Variants in POLA1 observed in about 807,000 individuals in gnomAD.
POLA1 encodes the protein DNA polymerase alpha 1, catalytic subunit.
Under a neutral mutation model 124.0 loss-of-function variants are expected in POLA1, and 15 were observed. The ratio of observed to expected loss-of-function variants is 0.12; its 90% CI spans 0.08 to 0.19. The LOEUF is 0.19. Among genes scored for constraint, POLA1 ranks in the 10% least tolerant of loss-of-function variants. The probability of loss-of-function intolerance (pLI) is 1.00; values close to 1 mark genes in which losing one functional copy is unlikely to be tolerated. For missense variants in POLA1, 886 were observed against 1,103.4 expected (o/e 0.80, Z 2.79); for synonymous variants, 408 against 389.4 (o/e 1.05, Z -0.56).
At position 24,716,382 on chromosome X, in the gene POLA1, A is replaced by G. The variant is rs1929839708; in HGVS notation, c.546A>G (p.Pro182=). 8.6e-7 allele frequency: 1 copy of G among 1,169,252 alleles called. No individual in the cohort carries two copies. The highest frequency in any genetic ancestry group is 2.2e-5 in the Admixed American group (1 of 45,645). ...LNTETPQITP[P]PVMILKKKRS... ...TTTAGACACCTCAAATAACTCCACC[A>G]CCTGTAATGATACTGAAGAAGAAAA... is the stretch of plus-strand genomic sequence containing the variant. The change falls in exon 7 of 37, where the codon CCA becomes CCG. Residue 182 remains proline, a synonymous_variant. Coordinates refer to ENST00000379068, the MANE Select transcript of POLA1 (RefSeq NM_001330360.2).
intron 35 of POLA1, among the ~76,000 whole-genome samples, chrX:24,902,754 C>G (rs986500406): frequency 1.8e-5 from 2 of 111,609 alleles, no homozygotes; most frequent in African/African-American, 6.5e-5. Flanking sequence ...GACAACCACA[C>G]AGTTTATGGA....
intron 34 of POLA1, 36 bp from the exon 35 acceptor site, chrX:24,887,970 G>A (rs1005934773): frequency 1.4e-5 from 12 of 839,031 alleles, no homozygotes; most frequent in Non-Finnish European, 2.1e-5. Flanking sequence ...TGTATTTGTC[G>A]ATGGTGATAA....
intron 34 of POLA1, among the ~76,000 whole-genome samples, chrX:24,854,894 T>TA (rs768990944): frequency 8.1e-5 from 9 of 110,647 alleles, no homozygotes; most frequent in East Asian, 2.8e-4. Context: ...TTTTTGGTAG[T>TA]AAAAAAAATT....
intron 20 of POLA1, among the ~76,000 whole-genome samples, chrX:24,740,927 T>TA (rs1316725912): frequency 1.1e-4 from 12 of 111,618 alleles, no homozygotes; most frequent in Non-Finnish European, 1.9e-4. Flanking sequence ...TGTTTTTTTT[T>TA]ATACTCTGTC....
At chrX:24,801,962 T>TGTGTGTGTGTGTGTGTGTGTGA (rs1368649281) in intron 26 of POLA1, among the ~76,000 whole-genome samples, 2 of 106,586 alleles carry the variant, frequency 1.9e-5, no homozygotes, top group African/African-American at 6.9e-5. Context: ...TGTGTGTGTG[T>TGTGTGTGTGTGTGTGTGTGTGA]GTGTGTGTGA....
At chrX:24,905,637 A>G (rs750235636) in intron 35 of POLA1, among the ~76,000 whole-genome samples, 158 of 88,856 alleles carry the variant, frequency 1.8e-3, no homozygotes, top group African/African-American at 6.6e-3. Context: ...ATCTCCACTT[A>G]CTGCAACCTC....
At chrX:24,724,878 T>G (rs781475856) in intron 12 of POLA1, among the ~76,000 whole-genome samples, 1 of 112,117 alleles carries the variant, frequency 8.9e-6, no homozygotes, top group Non-Finnish European at 1.9e-5. Context: ...CTCTGGTTCA[T>G]GTGCTAGTTA....
rs762585022 is a variant in POLA1, at chrX:24,808,266, A to G, written c.2965-1632A>G. 8.1e-5 allele frequency among the ~76,000 whole-genome samples: 9 copies of G among 111,801 alleles called. No individual in the cohort carries two copies. In the East Asian group the frequency reaches 2.5e-3, roughly 31 times the overall value. ...CACCGTGATGGTTGCCACTGCTCCA[A>G]GCAGCCCTCAGTCTAAAAAGGTAGT... On this transcript the variant is annotated intron_variant, in intron 26 of 36. Transcript: ENST00000379068.
Position 24,743,278 on chromosome X carries a change from G to A in POLA1, c.2515G>A (p.Gly839Arg). 8.5e-7 allele frequency: 1 copy of A among 1,176,031 alleles called. No homozygotes were observed. Among genetic ancestry groups the A allele is most frequent in the Non-Finnish European group, 1.2e-6 (1 of 866,508 alleles). Residue 839 changes from glycine to arginine, a missense_variant, in exon 23 of 37, where the codon GGA becomes AGA. Coordinates refer to ENST00000379068, the MANE Select transcript of POLA1 (RefSeq NM_001330360.2). ...IDGDTNKYKK[G>R]RKKAAYAGGL... ...TGGAGATACCAATAAATACAAGAAA[G>A]GACGTAAGAAAGCAGCTTATGCTGG...
chrX:24,957,503 A>G (rs892689158), intron 36 of POLA1, among the ~76,000 whole-genome samples: 2 of 111,171 alleles, frequency 1.8e-5, no homozygotes, highest in African/African-American at 6.6e-5. Flanking sequence ...CCCAACCCCC[A>G]TGTACCACGC....
intron 36 of POLA1, among the ~76,000 whole-genome samples, chrX:24,944,722 C>T (rs188260167): frequency 1.2e-4 from 13 of 111,394 alleles, no homozygotes; most frequent in East Asian, 5.6e-4. Flanking sequence ...ATGAAGGGAT[C>T]GATTTAAGGG....
intron 4 of POLA1, among the ~76,000 whole-genome samples, chrX:24,705,249 G>A (rs1928719804): frequency 9.0e-6 from 1 of 111,586 alleles, no homozygotes; most frequent in South Asian, 3.7e-4. Flanking sequence ...TACCCCAAAT[G>A]GAAATCTTGC....
chrX:24,728,308 A>G (rs1040843819), intron 15 of POLA1, among the ~76,000 whole-genome samples: 1 of 111,718 alleles, frequency 9.0e-6, no homozygotes, highest in Non-Finnish European at 1.9e-5. Flanking sequence ...CTAGTCTCAG[A>G]CATTGTGTCA....
intron 26 of POLA1, among the ~76,000 whole-genome samples, chrX:24,803,638 A>G (rs1296239607): frequency 9.0e-6 from 1 of 111,038 alleles, no homozygotes; most frequent in Non-Finnish European, 1.9e-5. Flanking sequence ...GCAACCTAGA[A>G]TATGGAAATA....
chrX:24,922,100 A>T (rs1320939701), intron 35 of POLA1, among the ~76,000 whole-genome samples: 1 of 110,735 alleles, frequency 9.0e-6, no homozygotes, highest in Non-Finnish European at 1.9e-5. Flanking sequence ...TTGAGACAGG[A>T]TCTGTTTGTG....
intron 26 of POLA1, among the ~76,000 whole-genome samples, chrX:24,808,010 G>C (rs1320972891): frequency 8.9e-6 from 1 of 112,247 alleles, no homozygotes; most frequent in East Asian, 2.8e-4. Context: ...CAGTGGTTTA[G>C]GTGCAGTTGC....
At chrX:24,951,942 G>C (rs930535424) in intron 36 of POLA1, among the ~76,000 whole-genome samples, 1 of 111,765 alleles carries the variant, frequency 8.9e-6, no homozygotes, top group Non-Finnish European at 1.9e-5. Context: ...TTACCATTTT[G>C]GACACTGCTG....
intron 36 of POLA1, among the ~76,000 whole-genome samples, chrX:24,932,937 A>T (rs988861852): frequency 8.9e-5 from 10 of 111,803 alleles, no homozygotes; most frequent in African/African-American, 3.3e-4. Flanking sequence ...ACTTGGGGGC[A>T]CACTTACCAA....
rs1004054091 is a variant in POLA1, at chrX:24,748,866, G to C, written c.2842-4G>C. On this transcript the variant is annotated splice_region_variant and splice_polypyrimidine_tract_variant and intron_variant, in intron 25 of 36. Coordinates refer to ENST00000379068, the MANE Select transcript of POLA1 (RefSeq NM_001330360.2). ...GTTTGTCTTTTGTTCTGTGTGGCCT[G>C]CAGTATGACATTCGACAGAAGGCTT... 2.5e-6 allele frequency: 3 copies of C among 1,208,985 alleles called. No individual in the cohort carries two copies. The highest frequency in any genetic ancestry group is 2.2e-6 in the Non-Finnish European group (2 of 892,872).
Sources: allele counts gnomAD v4.1 joint callset (sites outside exome capture counted in the v4.1 genomes callset), GRCh38; gene constraint gnomAD v4.1.1; transcripts MANE v1.5; gene names NCBI Gene and HGNC (gene_info 2026-07-23, HGNC 2026-07-21).